The following SLC4A10 variants were observed in gnomAD, a reference collection of about 807,000 sequenced individuals.
The protein encoded by SLC4A10 is sodium-driven chloride bicarbonate exchanger.
A neutral mutation model predicts 137.7 loss-of-function variants in SLC4A10; 42 were observed. The observed-to-expected ratio is 0.30, with a 90% CI of 0.24 to 0.39. The LOEUF is 0.39. Among genes scored for constraint, SLC4A10 ranks in the 10% least tolerant of loss-of-function variants. The pLI is 1.00. For missense variants in SLC4A10, 925 were observed against 1,355.0 expected (o/e 0.68, Z 4.98); for synonymous variants, 474 against 464.1 (o/e 1.02, Z -0.27).
At chr2:161,897,063 A>C (rs2063580712) in intron 11 of SLC4A10, among the ~76,000 whole-genome samples, 1 of 152,078 alleles carries the variant, frequency 6.6e-6, no homozygotes, top group Admixed American at 6.6e-5. Context: ...CACAGGAAAT[A>C]TTGGGAAGAT....
intron 15 of SLC4A10, among the ~76,000 whole-genome samples, chr2:161,917,357 TTAGATAGTG>T (rs916943789): frequency 8.5e-5 from 13 of 152,184 alleles, no homozygotes; most frequent in Non-Finnish European, 7.4e-5. Context: ...TCTCTGATAG[TTAGATAGTG>T]TAGATAGTGT....
intron 1 of SLC4A10, among the ~76,000 whole-genome samples, chr2:161,759,822 T>C (rs999000494): frequency 6.6e-6 from 1 of 152,052 alleles, no homozygotes; most frequent in Non-Finnish European, 1.5e-5. Flanking sequence ...TGCCTTTTCA[T>C]TTTGCTGATT....
chr2:161,629,546 T>C (rs1573972671), intron 1 of SLC4A10, among the ~76,000 whole-genome samples: 1 of 151,940 alleles, frequency 6.6e-6, no homozygotes, highest in East Asian at 1.9e-4. Flanking sequence ...TTTGTTACAG[T>C]TGATGAAACA....
chr2:161,691,866 T>C (rs2042039768), intron 1 of SLC4A10, among the ~76,000 whole-genome samples: 1 of 152,090 alleles, frequency 6.6e-6, no homozygotes, highest in Admixed American at 6.6e-5. Flanking sequence ...AAAACATACA[T>C]GAATGTTATG....
chr2:161,733,142 G>C (rs780032146), intron 1 of SLC4A10, among the ~76,000 whole-genome samples: 4 of 152,162 alleles, frequency 2.6e-5, no homozygotes, highest in Non-Finnish European at 5.9e-5. Context: ...CATAAGTAAT[G>C]AGGAGCCGCA....
At chr2:161,670,569 C>T (rs1012981019) in intron 1 of SLC4A10, among the ~76,000 whole-genome samples, 1 of 43,456 alleles carries the variant, frequency 2.3e-5, no homozygotes, top group Non-Finnish European at 6.9e-5. Context: ...CCTTAGTAAC[C>T]TTGTTTATAA....
intron 3 of SLC4A10, among the ~76,000 whole-genome samples, chr2:161,807,898 A>G (rs910645333): frequency 2.6e-5 from 4 of 152,138 alleles, no homozygotes; most frequent in African/African-American, 9.6e-5. Context: ...CTAGGTATGC[A>G]ATTCCAAATT....
At chr2:161,860,382 G>A (rs527941651) in intron 5 of SLC4A10, among the ~76,000 whole-genome samples, 2 of 152,106 alleles carry the variant, frequency 1.3e-5, no homozygotes, top group African/African-American at 4.8e-5. Flanking sequence ...ATAAACATAT[G>A]TAGGGTTTAT....
intron 1 of SLC4A10, among the ~76,000 whole-genome samples, chr2:161,638,819 T>C (rs921090448): frequency 7.2e-5 from 11 of 151,980 alleles, no homozygotes; most frequent in African/African-American, 2.7e-4. Flanking sequence ...GTTTTTATTT[T>C]AGAGATCTTT....
chr2:161,754,494 C>T (rs2049364813), intron 1 of SLC4A10, among the ~76,000 whole-genome samples: 1 of 152,006 alleles, frequency 6.6e-6, no homozygotes, highest in Non-Finnish European at 1.5e-5. Context: ...TGGCTTTTTG[C>T]CCAAAATGTG....
chr2:161,666,971 A>C (rs1302293606), intron 1 of SLC4A10, among the ~76,000 whole-genome samples: 3 of 151,692 alleles, frequency 2.0e-5, no homozygotes, highest in African/African-American at 7.2e-5. Flanking sequence ...GATGTGAATG[A>C]TAAACATTTC....
rs71009340 is a variant in SLC4A10, at chr2:161,776,856, GGTGTGT to G, written c.130+5833_130+5838del. On this transcript the variant is annotated intron_variant, in intron 2 of 26. Coordinates refer to ENST00000446997, the MANE Select transcript of SLC4A10 (RefSeq NM_001178015.2). The stretch of plus-strand genomic sequence containing the variant: ...ACATCCTTGCCAACACTTATTTTCT[GGTGTGT>G]GTGTGTGTGTGTGTGTGTGTGTGTG... 8.2e-4 allele frequency among the ~76,000 whole-genome samples: 117 copies of G among 143,202 alleles called. 1 individual carries two copies. Among genetic ancestry groups the G allele is most frequent in the Middle Eastern group, 3.5e-3 (1 of 282 alleles). 93.9% of individuals were successfully genotyped at this position (143,202 alleles called of 152,430 possible).
chr2:161,898,244 T>A (rs2063722774), intron 11 of SLC4A10, among the ~76,000 whole-genome samples: 1 of 152,120 alleles, frequency 6.6e-6, no homozygotes, highest in South Asian at 2.1e-4. Context: ...TAGTAAGCAT[T>A]AGAAATGTTG....
At position 161,942,935 on chromosome 2, in the gene SLC4A10, C is replaced by G. The variant is rs185548544; in HGVS notation, c.2103+38C>G. On this transcript the variant is annotated intron_variant, in intron 16 of 26. Transcript: ENST00000446997. ...CTGAAAAATAAGTCATACCTAAGAGCTTTTGTTGACATTTTGACTCAATTA... is the reference window on the plus strand; with the variant it reads ...CTGAAAAATAAGTCATACCTAAGAGGTTTTGTTGACATTTTGACTCAATTA... 23 of 1,492,984 alleles carry G rather than the reference C, an allele frequency of 1.5e-5. 1 individual carries two copies. The highest frequency in any genetic ancestry group is 3.6e-5 in the South Asian group (3 of 82,870). The allele number at this position is 1,492,984 out of a possible 1,614,324, so 92.5% of individuals were successfully genotyped here.
intron 10 of SLC4A10, among the ~76,000 whole-genome samples, chr2:161,887,733 A>T (rs528968699): frequency 3.0e-4 from 46 of 151,824 alleles, no homozygotes; most frequent in African/African-American, 1.1e-3. Context: ...GATTGCAAAA[A>T]TTTTCTCCCA....
rs563205914 is a variant in SLC4A10, at chr2:161,698,500, A to T, written c.49-72473A>T. Among the ~76,000 whole-genome samples, 139 of 152,248 alleles carry T rather than the reference A, an allele frequency of 9.1e-4. No individual in the cohort carries two copies. In the South Asian group the frequency reaches 0.013, roughly 15 times the overall value. On this transcript the variant is annotated intron_variant, in intron 1 of 26. Transcript: ENST00000446997. The stretch of plus-strand genomic sequence containing the variant: ...CGTCCCATCAATACCTAATTTATTG[A>T]GAGTTTTTAGCATGAATGGTTGTTG...
At chr2:161,852,768 T>A (rs561182926) in intron 4 of SLC4A10, among the ~76,000 whole-genome samples, 174 of 152,092 alleles carry the variant, frequency 1.1e-3, no homozygotes, top group African/African-American at 2.9e-3. Flanking sequence ...AACAAAATTT[T>A]AAAAAAAACT....
At chr2:161,976,323 G>A (rs1699374296) in intron 24 of SLC4A10, among the ~76,000 whole-genome samples, 1 of 152,114 alleles carries the variant, frequency 6.6e-6, no homozygotes, top group African/African-American at 2.4e-5. Context: ...TGCACCTTGA[G>A]GATGTTGTAC....
At chr2:161,939,208 C>G (rs1290244547) in intron 15 of SLC4A10, among the ~76,000 whole-genome samples, 2 of 152,282 alleles carry the variant, frequency 1.3e-5, no homozygotes, top group Admixed American at 6.5e-5. Flanking sequence ...TCCTCAGTAC[C>G]TGGGAGTACA....
Sources: allele counts gnomAD v4.1 joint callset (sites outside exome capture counted in the v4.1 genomes callset), GRCh38; gene constraint gnomAD v4.1.1; transcripts MANE v1.5; gene names NCBI Gene and HGNC (gene_info 2026-07-23, HGNC 2026-07-21).